FHIT: variants seen among roughly 807,000 people sequenced by gnomAD.
FHIT encodes the protein bis(5'-adenosyl)-triphosphatase.
In FHIT, 19 loss-of-function variants were observed where a neutral mutation model predicts 17.9. The observed-to-expected ratio is 1.06, with a 90% CI of 0.74 to 1.56. The LOEUF (loss-of-function observed/expected upper bound fraction) is 1.56. Among genes scored for constraint, FHIT ranks in the 40% most tolerant of loss-of-function variants. FHIT has a pLI of 0.00. For missense variants in FHIT, 248 were observed against 189.2 expected, an observed-to-expected ratio of 1.31 and a Z score of -1.82; for synonymous variants, 81 against 69.7, an observed-to-expected ratio of 1.16 and a Z score of -0.81.
At chr3:60,752,107 C>A (rs189585443) in intron 4 of FHIT, among the ~76,000 whole-genome samples, 80 of 152,166 alleles carry the variant, frequency 5.3e-4, no homozygotes, top group Non-Finnish European at 8.8e-4. Flanking sequence ...GGGAAATTTG[C>A]AAAGTTTTAG....
intron 3 of FHIT, among the ~76,000 whole-genome samples, chr3:61,012,856 G>A (rs960047972): frequency 6.6e-6 from 1 of 151,710 alleles, no homozygotes; most frequent in Non-Finnish European, 1.5e-5. Context: ...ATATGATGAT[G>A]CATAAAATAT....
chr3:60,197,793 G>C (rs990294105), intron 5 of FHIT, among the ~76,000 whole-genome samples: 6 of 152,114 alleles, frequency 3.9e-5, no homozygotes, highest in African/African-American at 1.2e-4. Context: ...ATAAAGCACA[G>C]CACAAACCTA....
intron 8 of FHIT, among the ~76,000 whole-genome samples, chr3:59,859,601 C>T (rs966815406): frequency 6.6e-6 from 1 of 152,172 alleles, no homozygotes; most frequent in African/African-American, 2.4e-5. Flanking sequence ...TGCCTGTAAT[C>T]CCAGCTACTC....
intron 5 of FHIT, among the ~76,000 whole-genome samples, chr3:60,180,877 C>A (rs1266531653): frequency 1.3e-5 from 2 of 152,076 alleles, no homozygotes; most frequent in Non-Finnish European, 2.9e-5. Context: ...TTAACTTGTA[C>A]AGTACTCACA....
chr3:60,033,604 A>G (rs1175118583), intron 5 of FHIT, among the ~76,000 whole-genome samples: 1 of 152,234 alleles, frequency 6.6e-6, no homozygotes, highest in Non-Finnish European at 1.5e-5. Flanking sequence ...TGATGTGTGT[A>G]GAGCTAAGAA....
At chr3:59,800,826 G>A (rs1699964070) in intron 8 of FHIT, among the ~76,000 whole-genome samples, 1 of 152,176 alleles carries the variant, frequency 6.6e-6, no homozygotes, top group African/African-American at 2.4e-5. Flanking sequence ...CAGGACAGGA[G>A]TGCAGGAGGG....
At chr3:61,026,300 G>A (rs915703835) in intron 3 of FHIT, among the ~76,000 whole-genome samples, 2 of 152,076 alleles carry the variant, frequency 1.3e-5, no homozygotes, top group African/African-American at 4.8e-5. Flanking sequence ...TGTTTGGGGG[G>A]CCTAGGTCTG....
At chr3:59,840,328 C>G (rs1701486306) in intron 8 of FHIT, among the ~76,000 whole-genome samples, 1 of 151,530 alleles carries the variant, frequency 6.6e-6, no homozygotes, top group Non-Finnish European at 1.5e-5. Flanking sequence ...GGATGGCAAA[C>G]CCACTTCCTT....
chr3:61,176,900 G>C (rs1425516314), intron 2 of FHIT, among the ~76,000 whole-genome samples: 1 of 152,204 alleles, frequency 6.6e-6, no homozygotes, highest in Non-Finnish European at 1.5e-5. Context: ...AACCGGCCGG[G>C]CGTGGTGGCT....
intron 5 of FHIT, among the ~76,000 whole-genome samples, chr3:60,215,471 G>C (rs1703656603): frequency 6.6e-6 from 1 of 152,062 alleles, no homozygotes; most frequent in Non-Finnish European, 1.5e-5. Context: ...GCTAAGGCAG[G>C]AGAATCACTT....
chr3:60,508,625 A>G (rs9853194), intron 5 of FHIT, among the ~76,000 whole-genome samples: 23,335 of 152,210 alleles, frequency 0.15, 2,086 homozygotes, highest in Middle Eastern at 0.24. Context: ...AAACAAAAAA[A>G]TAGATAATAC....
chr3:60,595,440 G>A (rs1032474693), intron 4 of FHIT, among the ~76,000 whole-genome samples: 5 of 151,230 alleles, frequency 3.3e-5, no homozygotes, highest in African/African-American at 1.2e-4. Flanking sequence ...AAAGAACATG[G>A]AGGATCACCA....
intron 8 of FHIT, among the ~76,000 whole-genome samples, chr3:59,795,371 A>T (rs1374808107): frequency 7.0e-6 from 1 of 143,844 alleles, no homozygotes; most frequent in African/African-American, 2.5e-5. Context: ...GTGACAGAGC[A>T]AGACCCTGTC....
chr3:60,878,301 G>A (rs1246295448), intron 3 of FHIT, among the ~76,000 whole-genome samples: 2 of 151,988 alleles, frequency 1.3e-5, no homozygotes, highest in African/African-American at 4.8e-5. Context: ...TCTGATATTA[G>A]CACCCTGACT....
intron 5 of FHIT, among the ~76,000 whole-genome samples, chr3:60,503,014 CAACAA>C (rs1432795523): frequency 6.6e-6 from 1 of 152,082 alleles, no homozygotes; most frequent in Non-Finnish European, 1.5e-5. Context: ...TTCTCAGAAG[CAACAA>C]AACAACGAAA....
chr3:60,169,739 T>C (rs1333982926), intron 5 of FHIT, among the ~76,000 whole-genome samples: 2 of 152,210 alleles, frequency 1.3e-5, no homozygotes, highest in African/African-American at 2.4e-5. Flanking sequence ...CCAGGTTCCC[T>C]GGTGACATTC....
intron 2 of FHIT, among the ~76,000 whole-genome samples, chr3:61,101,179 T>C (rs2035809845): frequency 6.6e-6 from 1 of 152,164 alleles, no homozygotes; most frequent in South Asian, 2.1e-4. Context: ...TCTTCTAGGG[T>C]TTTTATGGTT....
intron 8 of FHIT, among the ~76,000 whole-genome samples, chr3:59,848,540 T>C (rs1701808954): frequency 6.6e-6 from 1 of 152,184 alleles, no homozygotes; most frequent in African/African-American, 2.4e-5. Context: ...ATAATAGAGA[T>C]CTTAGAAATT....
At chr3:60,276,125 C>G (rs1707119462) in intron 5 of FHIT, among the ~76,000 whole-genome samples, 2 of 151,810 alleles carry the variant, frequency 1.3e-5, no homozygotes, top group Admixed American at 1.3e-4. Context: ...GTAGCCGGGA[C>G]TATAGATACC....
Sources: gnomAD v4.1 joint callset for allele counts (sites outside exome capture counted in the v4.1 genomes callset) on GRCh38, gnomAD v4.1.1 for gene constraint, MANE v1.5 for transcripts, NCBI Gene and HGNC (gene_info 2026-07-23, HGNC 2026-07-21) for gene names.